The following DBX1 variants were observed in gnomAD, a reference collection of about 807,000 sequenced individuals.
The protein encoded by DBX1 is homeobox protein DBX1.
DBX1 carries 10 observed loss-of-function variants against 20.8 expected under a neutral mutation model. The ratio of observed to expected loss-of-function variants is 0.48; its 90% CI spans 0.30 to 0.82. The LOEUF (loss-of-function observed/expected upper bound fraction) is 0.82, where lower values mean the gene tolerates loss of function less well. Among genes scored for constraint, DBX1 ranks in the 40% least tolerant of loss-of-function variants. DBX1 has a pLI of 0.07. For synonymous variants in DBX1, 241 were observed against 213.9 expected, an observed-to-expected ratio of 1.13 and a Z score of -1.11; for missense variants, 505 against 468.8, an observed-to-expected ratio of 1.08 and a Z score of -0.71.
chr11:20,156,683 G>A lies in DBX1; in HGVS notation c.673-110C>T, dbSNP rs759884203. The A allele has an allele frequency of 2.1e-5, 31 of 1,488,900 alleles. No individual in the cohort carries two copies. The highest frequency in any genetic ancestry group is 5.5e-5 in the African/African-American group (4 of 72,226). 92.2% of individuals were successfully genotyped at this position (1,488,900 alleles called of 1,614,324 possible). A position where few individuals can be genotyped will look rare whatever the true frequency, so the allele number is the denominator to read the frequency against. ...GTCGGGTGCAGGCTCTGTCCTTCGG[G>A]CTGTGTCCTCTCCCCACCCCCAGAA... On this transcript the variant is annotated intron_variant, in intron 3 of 3. Transcript: ENST00000524983. This position sits in a 1 kb window ranked among gnomAD's most constrained non-coding sequence, Gnocchi z 4.8.
Position 20,156,663 on chromosome 11 carries a change from G to C in DBX1, c.673-90C>G, listed in dbSNP as rs1426556772. On this transcript the variant is annotated intron_variant, in intron 3 of 3. Transcript: ENST00000524983. This position sits in a 1 kb window ranked among gnomAD's most constrained non-coding sequence, Gnocchi z 4.8. ...GCACGGGGGCGGGGAGTGGAGTCGG[G>C]TGCAGGCTCTGTCCTTCGGGCTGTG... The C allele has an allele frequency of 2.5e-6, 4 of 1,576,270 alleles. No individual in the cohort carries two copies. Among genetic ancestry groups the C allele is most frequent in the Non-Finnish European group, 3.5e-6 (4 of 1,147,926 alleles).
chr11:20,158,809 C>G (rs528265664), intron 2 of DBX1, among the ~76,000 whole-genome samples: 4 of 151,924 alleles, frequency 2.6e-5, no homozygotes, highest in South Asian at 4.2e-4. Flanking sequence ...TGTGGCTGCC[C>G]GGAGGAGCTG....
In DBX1 at chr11:20,156,317, G is replaced by A; in HGVS notation, c.929C>T (p.Pro310Leu). ...ACTGCTCGAGTGCGCGGGCGAGGGG[G>A]GCAGCGGCCCTGGCAGCCGCGGGTC... ...LRDPRLPGPLPPSPAHSSSPG... is the reference protein window; with the variant it reads ...LRDPRLPGPLLPSPAHSSSPG... The change falls in exon 4 of 4, where the codon CCC (proline) becomes CTC (leucine). Residue 310 changes from proline to leucine, a missense_variant. Coordinates refer to ENST00000524983, the MANE Select transcript of DBX1 (RefSeq NM_001029865.4). This position sits in a 1 kb window ranked among gnomAD's most constrained non-coding sequence, Gnocchi z 4.8. The A allele has an allele frequency of 6.4e-7, 1 of 1,570,054 alleles. No homozygotes were observed. The highest frequency in any genetic ancestry group is 8.6e-7 in the Non-Finnish European group (1 of 1,157,770).
chr11:20,157,244 A>G lies in DBX1; in HGVS notation c.470-5T>C. 1 of 1,558,556 alleles carries G rather than the reference A, an allele frequency of 6.4e-7. No homozygotes were observed. The highest frequency in any genetic ancestry group is 8.7e-7 in the Non-Finnish European group (1 of 1,155,324). ...TGGGCACCACGCTGGAGGAAGCTGC[A>G]GGGTGGGGGGAGGTGGCGAGTGAGT... On this transcript the variant is annotated splice_polypyrimidine_tract_variant and splice_region_variant and intron_variant, in intron 2 of 3. Transcript: ENST00000524983.
chr11:20,157,591 T>C (rs2063666699), intron 2 of DBX1, among the ~76,000 whole-genome samples: 1 of 152,090 alleles, frequency 6.6e-6, no homozygotes, highest in Middle Eastern at 3.2e-3. Context: ...AAATAAAATA[T>C]CCAGCCGAGG....
rs749372222 is a variant in DBX1 at position 20,160,294 on chromosome 11, C to T, written c.31G>A (p.Ala11Thr). The part of the protein sequence containing the change: MMFPGLLAPP[A>T]GYPSLLRPTP... ...GGCCGCAGGAGGCTAGGGTACCCGG[C>T]GGGGGGCGCGAGGAGGCCGGGGAAC... The change falls in exon 1 of 4, where the codon GCC becomes ACC. Residue 11 changes from alanine to threonine, a missense_variant. Physicochemically the swap from Ala to Thr is moderately conservative, Grantham distance 58 (BLOSUM62 0). Coordinates refer to ENST00000524983, the MANE Select transcript of DBX1 (RefSeq NM_001029865.4). 9.2e-6 allele frequency: 14 copies of T among 1,527,254 alleles called. No homozygotes were observed. Among genetic ancestry groups the T allele is most frequent in the Non-Finnish European group, 1.1e-5 (12 of 1,138,940 alleles). 94.6% of individuals were successfully genotyped at this position (1,527,254 alleles called of 1,614,324 possible). A position where few individuals can be genotyped will look rare whatever the true frequency, so the allele number is the denominator to read the frequency against.
In DBX1 at chr11:20,156,646, G is replaced by A. The variant is rs1411882200; in HGVS notation, c.673-73C>T. The A allele has an allele frequency of 1.2e-6, 2 of 1,606,348 alleles. No homozygotes were observed. The highest frequency in any genetic ancestry group is 8.5e-7 in the Non-Finnish European group (1 of 1,174,210). On this transcript the variant is annotated intron_variant, in intron 3 of 3. Transcript: ENST00000524983. This position sits in a 1 kb window ranked among gnomAD's most constrained non-coding sequence, Gnocchi z 4.8. ...CAGGGGCTCCGGGGGACGCACGGGG[G>A]CGGGGAGTGGAGTCGGGTGCAGGCT...
Position 20,156,968 on chromosome 11 carries a change from A to G in DBX1, c.672+69T>C. ...CCTAAGCCGTTTCCGAACCCTTGCAATTGACGGGTGCGCCGGGGAGGGGTG... is the reference window on the plus strand; with the variant it reads ...CCTAAGCCGTTTCCGAACCCTTGCAGTTGACGGGTGCGCCGGGGAGGGGTG... On this transcript the variant is annotated intron_variant, in intron 3 of 3. Transcript: ENST00000524983. This position sits in a 1 kb window ranked among gnomAD's most constrained non-coding sequence, Gnocchi z 4.8. The G allele has an allele frequency of 6.7e-7, 1 of 1,488,918 alleles. No individual in the cohort carries two copies. The highest frequency in any genetic ancestry group is 2.4e-5 in the East Asian group (1 of 41,808). The allele number at this position is 1,488,918 out of a possible 1,614,324, so 92.2% of individuals were successfully genotyped here.
rs765613517 is a variant in DBX1, at chr11:20,156,640, A to T, written c.673-67T>A. 1 of 1,611,166 alleles carries T rather than the reference A, an allele frequency of 6.2e-7. No individual in the cohort carries two copies. Among genetic ancestry groups the T allele is most frequent in the Non-Finnish European group, 8.5e-7 (1 of 1,178,446 alleles). ...TCAGATCAGGGGCTCCGGGGGACGCACGGGGGCGGGGAGTGGAGTCGGGTG... is the reference window on the plus strand; with the variant it reads ...TCAGATCAGGGGCTCCGGGGGACGCTCGGGGGCGGGGAGTGGAGTCGGGTG... On this transcript the variant is annotated intron_variant, in intron 3 of 3. Transcript: ENST00000524983. This position sits in a 1 kb window ranked among gnomAD's most constrained non-coding sequence, Gnocchi z 4.8.
Position 20,157,066 on chromosome 11 carries a change from C to T in DBX1, c.643G>A (p.Ala215Thr). Residue 215 changes from alanine to threonine, a missense_variant, in exon 3 of 4, where the codon GCG becomes ACG. Ala to Thr is a moderately conservative substitution (Grantham distance 58, BLOSUM62 0). Transcript: ENST00000524983. ...GAGTCTTTCAGGCCCAGCTTGGCCG[C>T]CAGCTTCTTGCGGTCGGGCTTGCTG... ...YISKPDRKKLAAKLGLKDSQV... is the reference protein window; with the variant it reads ...YISKPDRKKLTAKLGLKDSQV... 6.2e-7 allele frequency: 1 copy of T among 1,614,060 alleles called. No homozygotes were observed. The highest frequency in any genetic ancestry group is 8.5e-7 in the Non-Finnish European group (1 of 1,180,016).
rs906945914 is a variant in DBX1 at position 20,156,749 on chromosome 11, T to A, written c.673-176A>T. ...TTCCCGCATTGACTCCGCCCCCGCC[T>A]CAGCTCGCGGTTCCGTTTGCCTCAT... On this transcript the variant is annotated intron_variant, in intron 3 of 3. Transcript: ENST00000524983. The surrounding 1 kb of genome is among the most constrained non-coding windows in gnomAD (Gnocchi z 4.8). 16 of 1,072,762 alleles carry A rather than the reference T, an allele frequency of 1.5e-5. No individual in the cohort carries two copies. The highest frequency in any genetic ancestry group is 2.4e-5 in the East Asian group (1 of 41,974). 66.5% of individuals were successfully genotyped at this position (1,072,762 alleles called of 1,614,324 possible). A position where few individuals can be genotyped will look rare whatever the true frequency, so the allele number is the denominator to read the frequency against.
In DBX1 at chr11:20,156,485, G is replaced by T. The variant is rs1029379990; in HGVS notation, c.761C>A (p.Thr254Asn). 4 of 1,613,828 alleles carry T rather than the reference G, an allele frequency of 2.5e-6. No homozygotes were observed. Among genetic ancestry groups the T allele is most frequent in the East Asian group, 2.2e-5 (1 of 44,870 alleles). The change falls in exon 4 of 4, where the codon ACC becomes AAC. Residue 254 changes from threonine (T) to asparagine (N), a missense_variant. Transcript: ENST00000524983. This position sits in a 1 kb window ranked among gnomAD's most constrained non-coding sequence, Gnocchi z 4.8. ...LLSSGGCREQ[T>N]LPTKLNPHPD... is the part of the protein sequence containing the mutation. The stretch of plus-strand genomic sequence containing the variant: ...GTGCGGATTGAGCTTGGTGGGCAGG[G>T]TCTGCTCGCGACAGCCCCCGCTAGA...
intron 2 of DBX1, among the ~76,000 whole-genome samples, chr11:20,158,261 C>A (rs111376125): frequency 1.2e-5 from 1 of 83,670 alleles, no homozygotes; most frequent in Non-Finnish European, 2.3e-5. Flanking sequence ...GGGGGGAGGG[C>A]GAATTATCTC....
chr11:20,156,355 G>A lies in DBX1; in HGVS notation c.891C>T (p.Pro297=), dbSNP rs770906039. ...GCAGCCGCGGGTCCCGCAGGTGCTG[G>A]GGGTCGGAGGACGCGTGGTAGGCCA... is the stretch of plus-strand genomic sequence containing the variant. The part of the protein sequence containing the change: ...HRLAYHASSD[P]QHLRDPRLPG... The change falls in exon 4 of 4, where the codon CCC becomes CCT. Residue 297 remains proline (P), a synonymous_variant. Coordinates refer to ENST00000524983, the MANE Select transcript of DBX1 (RefSeq NM_001029865.4). This position sits in a 1 kb window ranked among gnomAD's most constrained non-coding sequence, Gnocchi z 4.8. 8.7e-6 allele frequency: 14 copies of A among 1,601,826 alleles called. No individual in the cohort carries two copies. Among genetic ancestry groups the A allele is most frequent in the Non-Finnish European group, 1.2e-5 (14 of 1,172,144 alleles).
chr11:20,157,158 C>T lies in DBX1; in HGVS notation c.551G>A (p.Arg184His). The T allele has an allele frequency of 6.2e-7, 1 of 1,610,448 alleles. No homozygotes were observed. The highest frequency in any genetic ancestry group is 8.5e-7 in the Non-Finnish European group (1 of 1,178,856). ...CTGCACGTCGGAGAAGACTGCTCGACGCAGCATGCCCCGCCGAGGCTTCCC... is the reference window on the plus strand; with the variant it reads ...CTGCACGTCGGAGAAGACTGCTCGATGCAGCATGCCCCGCCGAGGCTTCCC... Reference protein sequence around the residue: ...ARGKPRRGMLRRAVFSDVQRK... With the variant: ...ARGKPRRGMLHRAVFSDVQRK... The change falls in exon 3 of 4, where the codon CGT becomes CAT. Residue 184 changes from arginine to histidine, a missense_variant. Transcript: ENST00000524983.
chr11:20,158,386 C>A (rs989575798), intron 2 of DBX1, among the ~76,000 whole-genome samples: 3 of 152,128 alleles, frequency 2.0e-5, no homozygotes, highest in Non-Finnish European at 2.9e-5. Flanking sequence ...TAGGGACTCT[C>A]CTGCCTCCTT....
intron 2 of DBX1, 129 bp from the exon 3 acceptor site, chr11:20,157,368 G>A: frequency 1.2e-6 from 1 of 832,652 alleles, no homozygotes; most frequent in Non-Finnish European, 1.8e-6. Context: ...TGGAGAATAG[G>A]CCACGAACCT....
At chr11:20,159,838 G>T in intron 1 of DBX1, 120 bp downstream of exon 1, 1 of 1,372,122 alleles carries the variant, frequency 7.3e-7, no homozygotes, top group Non-Finnish European at 1.0e-6. Context: ...CAGAGTTCGT[G>T]CGTATTGTGT....
chr11:20,159,818 C>T, intron 1 of DBX1, 140 bp downstream of exon 1: 3 of 1,191,740 alleles, frequency 2.5e-6, no homozygotes, highest in Non-Finnish European at 3.5e-6. Flanking sequence ...CATTGCCTGA[C>T]GTAGGGTCTC....
Sources: allele counts gnomAD v4.1 joint callset (sites outside exome capture counted in the v4.1 genomes callset), GRCh38; gene constraint gnomAD v4.1.1; non-coding constraint Gnocchi (gnomAD v3.1); transcripts MANE v1.5; gene names NCBI Gene and HGNC (gene_info 2026-07-23, HGNC 2026-07-21).